Variants in CDH12 observed in about 807,000 individuals in gnomAD.
The protein encoded by CDH12 is cadherin-12.
In CDH12, 41 loss-of-function variants were observed where a neutral mutation model predicts 74.1. The observed-to-expected ratio is 0.55, with a 90% CI of 0.43 to 0.72. The LOEUF (loss-of-function observed/expected upper bound fraction) is 0.72. CDH12 is among the 30% of genes least tolerant of loss of function. CDH12 has a pLI of 0.00. For missense variants in CDH12, 945 were observed against 977.2 expected (o/e 0.97, Z 0.44); for synonymous variants, 399 against 355.0 (o/e 1.12, Z -1.39).
At chr5:22,408,784 A>T (rs1743050018) in intron 2 of CDH12, among the ~76,000 whole-genome samples, 1 of 151,792 alleles carries the variant, frequency 6.6e-6, no homozygotes, top group Non-Finnish European at 1.5e-5. Flanking sequence ...CATTTTAAAG[A>T]CCTAAAATAA....
At chr5:22,428,266 A>T (rs550710659) in intron 2 of CDH12, among the ~76,000 whole-genome samples, 1 of 152,268 alleles carries the variant, frequency 6.6e-6, no homozygotes, top group Non-Finnish European at 1.5e-5. Flanking sequence ...ATATGTATAT[A>T]TAGATATCAT....
intron 5 of CDH12, among the ~76,000 whole-genome samples, chr5:22,048,985 ATTT>A (rs1167750631): frequency 6.6e-6 from 1 of 152,098 alleles, no homozygotes; most frequent in Non-Finnish European, 1.5e-5. Context: ...TATTTTTATT[ATTT>A]ATGAGTTATA....
intron 3 of CDH12, among the ~76,000 whole-genome samples, chr5:22,239,056 T>C (rs1449679926): frequency 2.0e-5 from 3 of 152,204 alleles, no homozygotes; most frequent in African/African-American, 7.2e-5. Flanking sequence ...AATATGATGG[T>C]TTTGTCTCAG....
intron 1 of CDH12, among the ~76,000 whole-genome samples, chr5:22,582,694 C>T (rs1740166402): frequency 6.6e-6 from 1 of 152,092 alleles, no homozygotes; most frequent in South Asian, 2.1e-4. Context: ...AATGTCATTT[C>T]TTTGTAAGTA....
At chr5:22,158,916 T>C (rs1748174171) in intron 4 of CDH12, among the ~76,000 whole-genome samples, 2 of 152,144 alleles carry the variant, frequency 1.3e-5, no homozygotes, top group African/African-American at 4.8e-5. Flanking sequence ...AGCTTTGAAA[T>C]TCTGTGACTC....
chr5:22,297,834 A>G (rs964166327), intron 3 of CDH12, among the ~76,000 whole-genome samples: 7 of 152,088 alleles, frequency 4.6e-5, no homozygotes, highest in Non-Finnish European at 1.0e-4. Flanking sequence ...TTTTATTCCA[A>G]TGGAAGGTGT....
chr5:22,177,181 C>A (rs1244165105), intron 4 of CDH12, among the ~76,000 whole-genome samples: 1 of 152,158 alleles, frequency 6.6e-6, no homozygotes, highest in Non-Finnish European at 1.5e-5. Flanking sequence ...GTTGCAGGTT[C>A]TGCAGAAATC....
At chr5:22,077,974 G>T (rs1742445814) in intron 5 of CDH12, among the ~76,000 whole-genome samples, 1 of 152,128 alleles carries the variant, frequency 6.6e-6, no homozygotes, top group Middle Eastern at 3.4e-3. Context: ...ATTTTAACGG[G>T]AAAGGAGAAG....
chr5:22,133,631 C>T (rs1017317760), intron 4 of CDH12, among the ~76,000 whole-genome samples: 3 of 152,010 alleles, frequency 2.0e-5, no homozygotes, highest in African/African-American at 7.2e-5. Flanking sequence ...AGAACCACTG[C>T]AATTTCTCTA....
Position 21,756,355 on chromosome 5 carries a change from C to T in CDH12, c.1634-513G>A, listed in dbSNP as rs113875580. Reference sequence around the variant, plus strand: ...GTTTGTATGTATGGGAATACTTTCACCTCTGCATATCAGCTGGAATAAGAA... The same window carrying T: ...GTTTGTATGTATGGGAATACTTTCATCTCTGCATATCAGCTGGAATAAGAA... On this transcript the variant is annotated intron_variant, in intron 13 of 14. Transcript: ENST00000382254. Among the ~76,000 whole-genome samples, 1,265 of 151,944 alleles carry T rather than the reference C, an allele frequency of 8.3e-3. 25 individuals carry two copies. The highest frequency in any genetic ancestry group is 0.029 in the African/African-American group (1,206 of 41,460).
intron 6 of CDH12, among the ~76,000 whole-genome samples, chr5:21,919,582 C>T (rs546701822): frequency 6.6e-6 from 1 of 152,202 alleles, no homozygotes; most frequent in African/African-American, 2.4e-5. Context: ...TTTTCGCAGG[C>T]CAACCCCTAG....
At chr5:22,338,974 A>C (rs1739722757) in intron 3 of CDH12, among the ~76,000 whole-genome samples, 1 of 152,154 alleles carries the variant, frequency 6.6e-6, no homozygotes, top group Non-Finnish European at 1.5e-5. Flanking sequence ...ACTGCAAAGA[A>C]CTGAAAGCTG....
At chr5:21,852,469 G>T (rs1750522998) in intron 7 of CDH12, among the ~76,000 whole-genome samples, 1 of 151,406 alleles carries the variant, frequency 6.6e-6, no homozygotes, top group Admixed American at 6.6e-5. Flanking sequence ...GTGAAATCAA[G>T]GGAAGAGTAT....
intron 5 of CDH12, among the ~76,000 whole-genome samples, chr5:22,029,247 A>C (rs1436086583): frequency 3.4e-4 from 52 of 152,014 alleles, no homozygotes; most frequent in Admixed American, 5.3e-4. Flanking sequence ...GCAACAAAAG[A>C]CAAAATTGAC....
rs528789335 is a variant in CDH12, at chr5:22,271,575, C to G, written c.-332-58932G>C. 5.3e-5 allele frequency among the ~76,000 whole-genome samples: 8 copies of G among 152,184 alleles called. No homozygotes were observed. The South Asian group carries it at 1.7e-3, about 32-fold the overall frequency. On this transcript the variant is annotated intron_variant, in intron 3 of 14. Transcript: ENST00000382254. ...AGTTTTTATATTACTTTGTTGAGAT[C>G]CAACAAAGGAATCACTATCTATGAA...
At chr5:21,834,057 T>C (rs1031525407) in intron 8 of CDH12, among the ~76,000 whole-genome samples, 1 of 151,980 alleles carries the variant, frequency 6.6e-6, no homozygotes, top group African/African-American at 2.4e-5. Flanking sequence ...GACAGTGTCA[T>C]CAAATGTGAT....
In CDH12 at chr5:21,776,223, G is replaced by C. The variant is rs182873186; in HGVS notation, c.1393+7135C>G. Among the ~76,000 whole-genome samples the C allele has an allele frequency of 7.4e-4, 112 of 152,230 alleles. 2 individuals carry two copies. The East Asian group carries it at 0.02, about 27-fold the overall frequency. On this transcript the variant is annotated intron_variant, in intron 11 of 14. Transcript: ENST00000382254. ...AAACAGCAGTGTGGAATAGTTGCTC[G>C]TCCAACAGCCTACAAGCACACTGAA... is the stretch of plus-strand genomic sequence containing the variant.
chr5:22,128,016 T>C (rs1745979584), intron 4 of CDH12, among the ~76,000 whole-genome samples: 1 of 151,982 alleles, frequency 6.6e-6, no homozygotes, highest in Non-Finnish European at 1.5e-5. Context: ...TTATGAAAGC[T>C]ATAGGTTGTG....
intron 1 of CDH12, among the ~76,000 whole-genome samples, chr5:22,822,523 A>G (rs1344870452): frequency 6.6e-6 from 1 of 152,222 alleles, no homozygotes; most frequent in Admixed American, 6.5e-5. Flanking sequence ...AATGAATTCA[A>G]AGAAATTTAC....
Sources: allele counts gnomAD v4.1 joint callset (sites outside exome capture counted in the v4.1 genomes callset), GRCh38; gene constraint gnomAD v4.1.1; transcripts MANE v1.5; gene names NCBI Gene and HGNC (gene_info 2026-07-23, HGNC 2026-07-21).